PGM1: variants seen among roughly 807,000 people sequenced by gnomAD.
The protein encoded by PGM1 is phosphoglucomutase-1.
Under a neutral mutation model 55.6 loss-of-function variants are expected in PGM1, and 52 were observed. The ratio of observed to expected loss-of-function variants is 0.94; its 90% confidence interval spans 0.75 to 1.18. The LOEUF (loss-of-function observed/expected upper bound fraction) is 1.18. PGM1 is among the 50% of genes most tolerant of loss of function. PGM1 has a pLI of 0.00. For missense variants in PGM1, 724 were observed against 729.3 expected, an observed-to-expected ratio of 0.99 and a Z score of 0.08; for synonymous variants, 287 against 271.7, an observed-to-expected ratio of 1.06 and a Z score of -0.55.
At chr1:63,623,204 A>C (rs1199290489) in intron 1 of PGM1, 10 of 1,330,702 alleles carry the variant, frequency 7.5e-6, no homozygotes, top group Non-Finnish European at 8.6e-6. Flanking sequence ...AGTGGGCAGA[A>C]GTGTCCTCAT....
intron 1 of PGM1, among the ~76,000 whole-genome samples, chr1:63,617,606 T>TGAGGCTGAGGCACGAGAACTCAG (rs1404291493): frequency 6.6e-6 from 1 of 151,666 alleles, no homozygotes; most frequent in African/African-American, 2.4e-5. Context: ...CAGGTGGGAT[T>TGAGGCTGAGGCACGAGAACTCAG]GAGGCTGAGG....
chr1:63,643,490 G>A (rs1436129732), intron 7 of PGM1, among the ~76,000 whole-genome samples: 1 of 152,160 alleles, frequency 6.6e-6, no homozygotes, highest in East Asian at 1.9e-4. Flanking sequence ...GGCAGGTCAG[G>A]CCTCATTGCT....
intron 1 of PGM1, chr1:63,623,596 T>C (rs1648943172): frequency 3.1e-6 from 5 of 1,612,682 alleles, no homozygotes; most frequent in Non-Finnish European, 4.2e-6. Context: ...GAAAACCTAT[T>C]ATTTTGAGGA....
intron 1 of PGM1, among the ~76,000 whole-genome samples, chr1:63,595,283 A>C (rs1648028298): frequency 6.6e-6 from 1 of 152,222 alleles, no homozygotes; most frequent in South Asian, 2.1e-4. Flanking sequence ...TCAAGTTGCC[A>C]ACGAGGACGC....
chr1:63,614,350 A>C (rs372830239), intron 1 of PGM1, among the ~76,000 whole-genome samples: 11 of 152,232 alleles, frequency 7.2e-5, no homozygotes, highest in East Asian at 1.9e-4. Context: ...GGGTTCCTAA[A>C]CTTTTTAAGG....
At chr1:63,596,804 C>T (rs1424381295) in intron 1 of PGM1, among the ~76,000 whole-genome samples, 1 of 152,116 alleles carries the variant, frequency 6.6e-6, no homozygotes, top group Non-Finnish European at 1.5e-5. Flanking sequence ...CAACGGCCTC[C>T]AACTAGAGAG....
At chr1:63,640,259 T>C (rs1649480219) in intron 7 of PGM1, among the ~76,000 whole-genome samples, 1 of 152,150 alleles carries the variant, frequency 6.6e-6, no homozygotes, top group South Asian at 2.1e-4. Flanking sequence ...TGTACCAGTA[T>C]CAGTGTTGAG....
chr1:63,624,004 G>A (rs374114358), intron 1 of PGM1, among the ~76,000 whole-genome samples: 8 of 152,204 alleles, frequency 5.3e-5, no homozygotes, highest in African/African-American at 1.9e-4. Flanking sequence ...TCTGTTGCTT[G>A]ACAAAGTACC....
intron 1 of PGM1, among the ~76,000 whole-genome samples, chr1:63,600,536 C>T (rs1463902006): frequency 6.6e-6 from 1 of 151,984 alleles, no homozygotes; most frequent in African/African-American, 2.4e-5. Flanking sequence ...CTCGTTGAGC[C>T]TGACAGATGA....
chr1:63,651,509 A>G, intron 8 of PGM1, 160 bp from the exon 9 acceptor site: 1 of 663,586 alleles, frequency 1.5e-6, no homozygotes, highest in Non-Finnish European at 2.7e-6. Flanking sequence ...GGCCTGTTCC[A>G]TCCCCAGTGA....
chr1:63,594,499 C>T (rs1200120729), intron 1 of PGM1, among the ~76,000 whole-genome samples: 1 of 152,008 alleles, frequency 6.6e-6, no homozygotes, highest in African/African-American at 2.4e-5. Flanking sequence ...CAAAGACGCC[C>T]TTACGCAAGC....
chr1:63,656,110 T>C (rs1242258991), intron 10 of PGM1: 3 of 152,228 alleles, frequency 2.0e-5, no homozygotes, highest in Admixed American at 2.0e-4. Context: ...GGTGCCTGTT[T>C]ACATAGCATT....
chr1:63,654,456 A>C lies in PGM1; in HGVS notation c.1589A>C (p.Gln530Pro). The part of the protein sequence containing the change: ...SYEKDVAKIN[Q>P]DPQVMLAPLI... ...GAGAAGGACGTTGCCAAGATTAACC[A>C]GGACCCCCAGGTAACGCCCAGCCCT... Residue 530 changes from glutamine to proline, a missense_variant, in exon 10 of 11, where the codon CAG (glutamine) becomes CCG (proline). By Grantham distance (76) the Gln-to-Pro change is moderately conservative. Around this residue, in one of 3 missense-constraint regions of PGM1, gnomAD observed 316 missense variants for 313.1 expected, o/e 1.01. Coordinates refer to ENST00000371084, the MANE Select transcript of PGM1 (RefSeq NM_002633.3). 1.2e-6 allele frequency: 2 copies of C among 1,613,986 alleles called. No individual in the cohort carries two copies. The highest frequency in any genetic ancestry group is 1.7e-6 in the Non-Finnish European group (2 of 1,179,892).
chr1:63,623,802 A>G, intron 1 of PGM1: 1 of 1,407,308 alleles, frequency 7.1e-7, no homozygotes, highest in Non-Finnish European at 9.9e-7. Flanking sequence ...GGCTCTCCAA[A>G]TAACCTTAAT....
intron 1 of PGM1, among the ~76,000 whole-genome samples, chr1:63,621,832 T>C (rs1648885420): frequency 6.6e-6 from 1 of 152,158 alleles, no homozygotes; most frequent in South Asian, 2.1e-4. Flanking sequence ...AGGGGCTCCC[T>C]TGCCAGTGGC....
chr1:63,647,653 A>G (rs1649691884), intron 7 of PGM1, among the ~76,000 whole-genome samples: 2 of 151,978 alleles, frequency 1.3e-5, no homozygotes, highest in Non-Finnish European at 2.9e-5. Context: ...TTTTAAAGCT[A>G]TTTATCCAGT....
At chr1:63,629,705 C>G in intron 2 of PGM1, 118 bp downstream of exon 2, 1 of 1,056,682 alleles carries the variant, frequency 9.5e-7, no homozygotes, top group Non-Finnish European at 1.4e-6. Context: ...TAGGGAGGTG[C>G]TCTTTGCTTC....
At chr1:63,635,602 G>A (rs1649341687) in intron 5 of PGM1, among the ~76,000 whole-genome samples, 1 of 152,164 alleles carries the variant, frequency 6.6e-6, no homozygotes, top group Non-Finnish European at 1.5e-5. Flanking sequence ...CTGATGGTAG[G>A]CACTGTATAC....
intron 7 of PGM1, among the ~76,000 whole-genome samples, chr1:63,645,681 T>G (rs1259474975): frequency 6.6e-6 from 1 of 152,240 alleles, no homozygotes; most frequent in African/African-American, 2.4e-5. Context: ...TCTCTAGTTT[T>G]GCCTGCATCC....
Sources: allele counts gnomAD v4.1 joint callset (sites outside exome capture counted in the v4.1 genomes callset), GRCh38; gene constraint gnomAD v4.1.1; regional missense constraint gnomAD v4.1.1; transcripts MANE v1.5; gene names NCBI Gene and HGNC (gene_info 2026-07-23, HGNC 2026-07-21).